The following FBXL17 variants were observed in gnomAD, a reference collection of about 807,000 sequenced individuals.
FBXL17 encodes F-box/LRR-repeat protein 17.
A neutral mutation model predicts 66.2 loss-of-function variants in FBXL17; 22 were observed. That is an observed-to-expected ratio of 0.33 (90% confidence interval 0.24 to 0.47). The LOEUF is 0.47. FBXL17 is among the 20% of genes least tolerant of loss of function. The probability of loss-of-function intolerance (pLI) is 1.00; values close to 1 mark genes in which losing one functional copy is unlikely to be tolerated. For synonymous variants in FBXL17, 474 were observed against 400.5 expected (o/e 1.18, Z -2.19); for missense variants, 878 against 948.2 (o/e 0.93, Z 0.97).
intron 6 of FBXL17, among the ~76,000 whole-genome samples, chr5:108,079,455 T>C (rs1259244177): frequency 2.0e-5 from 3 of 152,124 alleles, no homozygotes; most frequent in Non-Finnish European, 2.9e-5. Context: ...GAAATAATAA[T>C]GTATTTGAGG....
intron 7 of FBXL17, among the ~76,000 whole-genome samples, chr5:107,889,527 A>G (rs1749122497): frequency 6.6e-6 from 1 of 152,198 alleles, no homozygotes; most frequent in African/African-American, 2.4e-5. Flanking sequence ...TTCGTTTTAT[A>G]TAACTCTGCT....
At chr5:108,225,005 G>GC (rs1407665018) in intron 4 of FBXL17, among the ~76,000 whole-genome samples, 1 of 151,864 alleles carries the variant, frequency 6.6e-6, no homozygotes, top group Non-Finnish European at 1.5e-5. Context: ...CAGTATATTC[G>GC]CAAGTTTATG....
chr5:107,906,119 T>C (rs1048948426), intron 7 of FBXL17, among the ~76,000 whole-genome samples: 4 of 151,822 alleles, frequency 2.6e-5, no homozygotes, highest in East Asian at 1.9e-4. Flanking sequence ...TCCAAATGTA[T>C]ATTTTGACCT....
intron 6 of FBXL17, among the ~76,000 whole-genome samples, chr5:108,149,340 C>G (rs921770850): frequency 1.3e-5 from 2 of 152,162 alleles, no homozygotes; most frequent in Non-Finnish European, 2.9e-5. Flanking sequence ...TCATTACATA[C>G]ATTTAGAGAA....
Position 108,062,143 on chromosome 5 carries a change from G to A in FBXL17, c.1746-41142C>T, listed in dbSNP as rs566833424. Among the ~76,000 whole-genome samples, 3 of 152,020 alleles carry A rather than the reference G, an allele frequency of 2.0e-5. No homozygotes were observed. In the South Asian group the frequency reaches 6.2e-4, roughly 32 times the overall value. On this transcript the variant is annotated intron_variant, in intron 6 of 8. Coordinates refer to ENST00000542267, the MANE Select transcript of FBXL17 (RefSeq NM_001163315.3). ...AAGGAACATCAGTTGCGAAACTTGT[G>A]GTTTAATTTCGTATGCTTTCCACTT...
chr5:108,032,151 AAGGT>A (rs1746665637), intron 6 of FBXL17, among the ~76,000 whole-genome samples: 1 of 152,154 alleles, frequency 6.6e-6, no homozygotes, highest in South Asian at 2.1e-4. Flanking sequence ...AGTATTTCCT[AAGGT>A]ACATTTCTCA....
At position 108,068,703 on chromosome 5, in the gene FBXL17, C is replaced by T. The variant is rs542838743; in HGVS notation, c.1746-47702G>A. Among the ~76,000 whole-genome samples, 12 of 152,192 alleles carry T rather than the reference C, an allele frequency of 7.9e-5. 1 individual carries two copies. The East Asian group carries it at 1.2e-3, about 15-fold the overall frequency. On this transcript the variant is annotated intron_variant, in intron 6 of 8. Coordinates refer to ENST00000542267, the MANE Select transcript of FBXL17 (RefSeq NM_001163315.3). ...CGATCTCCTGACCTCGTGATCCACC[C>T]GCCTCAGCCTCCAAAAGTGCTGGGA... is the stretch of plus-strand genomic sequence containing the variant.
intron 6 of FBXL17, among the ~76,000 whole-genome samples, chr5:108,172,068 C>G (rs956576263): frequency 2.0e-5 from 3 of 152,142 alleles, no homozygotes; most frequent in Non-Finnish European, 4.4e-5. Context: ...TTGTAAATTA[C>G]CCAGTCTCGG....
intron 3 of FBXL17, among the ~76,000 whole-genome samples, chr5:108,352,568 T>C (rs1469018440): frequency 6.6e-6 from 1 of 152,170 alleles, no homozygotes; most frequent in East Asian, 1.9e-4. Flanking sequence ...TGGAGTGCAG[T>C]GGTGTGATCT....
At chr5:108,105,165 C>T (rs956845626) in intron 6 of FBXL17, among the ~76,000 whole-genome samples, 1 of 152,130 alleles carries the variant, frequency 6.6e-6, no homozygotes, top group African/African-American at 2.4e-5. Flanking sequence ...GTATGAATTG[C>T]TTTTTGTATC....
At chr5:107,969,550 A>G (rs1752290471) in intron 7 of FBXL17, among the ~76,000 whole-genome samples, 1 of 152,190 alleles carries the variant, frequency 6.6e-6, no homozygotes. Context: ...AACAAAGTTA[A>G]GTCAATTCAG....
chr5:108,172,605 A>G (rs1216299642), intron 6 of FBXL17, among the ~76,000 whole-genome samples: 1 of 152,212 alleles, frequency 6.6e-6, no homozygotes, highest in Non-Finnish European at 1.5e-5. Context: ...AACATGAAGT[A>G]ATATTACTCT....
chr5:108,312,173 G>A (rs1021271251), intron 4 of FBXL17, among the ~76,000 whole-genome samples: 2 of 152,030 alleles, frequency 1.3e-5, no homozygotes, highest in Non-Finnish European at 2.9e-5. Context: ...GGCTATTGCA[G>A]AACAGATTAG....
At chr5:108,357,788 G>C (rs999062143) in intron 3 of FBXL17, among the ~76,000 whole-genome samples, 1 of 150,822 alleles carries the variant, frequency 6.6e-6, no homozygotes, top group Non-Finnish European at 1.5e-5. Context: ...TTGTTACATA[G>C]GTATACATGA....
At chr5:107,957,147 G>C (rs1751694066) in intron 7 of FBXL17, among the ~76,000 whole-genome samples, 1 of 151,970 alleles carries the variant, frequency 6.6e-6, no homozygotes, top group Non-Finnish European at 1.5e-5. Flanking sequence ...CAACCTTTCG[G>C]TGTCACTGAT....
intron 5 of FBXL17, among the ~76,000 whole-genome samples, chr5:108,190,263 G>A (rs1580585497): frequency 6.6e-6 from 1 of 152,284 alleles, no homozygotes; most frequent in East Asian, 1.9e-4. Flanking sequence ...CAGAGTGAGA[G>A]GCTTAGTCCA....
intron 7 of FBXL17, among the ~76,000 whole-genome samples, chr5:107,889,981 C>A (rs962685560): frequency 1.3e-5 from 2 of 151,980 alleles, no homozygotes; most frequent in East Asian, 3.9e-4. Context: ...GGGAACCAAC[C>A]CTTTGAGTAG....
At chr5:108,353,791 C>T (rs1747792331) in intron 3 of FBXL17, among the ~76,000 whole-genome samples, 1 of 152,086 alleles carries the variant, frequency 6.6e-6, no homozygotes, top group South Asian at 2.1e-4. Flanking sequence ...TAAAGGTAGC[C>T]CAGTGGCACA....
At chr5:108,133,230 T>C (rs1751004477) in intron 6 of FBXL17, among the ~76,000 whole-genome samples, 1 of 152,174 alleles carries the variant, frequency 6.6e-6, no homozygotes, top group Non-Finnish European at 1.5e-5. Flanking sequence ...AACCACCTCC[T>C]CTTTATCTTT....
Sources: gnomAD v4.1 joint callset for allele counts (sites outside exome capture counted in the v4.1 genomes callset) on GRCh38, gnomAD v4.1.1 for gene constraint, MANE v1.5 for transcripts, NCBI Gene and HGNC (gene_info 2026-07-23, HGNC 2026-07-21) for gene names.